Variants in UNC45B observed in about 807,000 individuals in gnomAD.
UNC45B encodes protein unc-45 homolog B.
Under a neutral mutation model 98.7 loss-of-function variants are expected in UNC45B, and 78 were observed. The observed-to-expected ratio is 0.79, with a 90% CI of 0.66 to 0.95. The LOEUF (loss-of-function observed/expected upper bound fraction) is 0.95, where lower values mean the gene tolerates loss of function less well. Ranked by LOEUF, UNC45B falls within the 40% of genes least tolerant of loss-of-function variation. The pLI is 0.00. For synonymous variants in UNC45B, 462 were observed against 480.4 expected (o/e 0.96, Z 0.50); for missense variants, 1,225 against 1,184.9 (o/e 1.03, Z -0.50).
chr17:35,176,152 G>A (rs535561774), intron 15 of UNC45B, 118 bp downstream of exon 15: 14 of 973,486 alleles, frequency 1.4e-5, no homozygotes, highest in Admixed American at 7.7e-5. Context: ...AGTTATCTGC[G>A]CTGTCTGTGC....
chr17:35,153,233 T>C (rs1467867494), intron 5 of UNC45B, among the ~76,000 whole-genome samples: 1 of 152,206 alleles, frequency 6.6e-6, no homozygotes, highest in African/African-American at 2.4e-5. Context: ...TTGTTCATCA[T>C]GGATTTTTCT....
rs758031609 is a variant in UNC45B, at chr17:35,168,259, G to A, written c.1350G>A (p.Thr450=). 3.2e-5 allele frequency: 50 copies of A among 1,566,730 alleles called. 1 individual carries two copies. The highest frequency in any genetic ancestry group is 2.1e-4 in the East Asian group (9 of 42,174). The change falls in exon 10 of 20, where the codon ACG becomes ACA. Residue 450 remains threonine, a synonymous_variant. Transcript: ENST00000394570. ...TGGAGGCCCTCATCCATGCCTCCAC[G>A]AAGCTCAGCCGCGCCACCTTCATCA... ...VAVEALIHAS[T]KLSRATFIIT...
chr17:35,170,231 G>A lies in UNC45B; in HGVS notation c.1665G>A (p.Leu555=). The change falls in exon 12 of 20, where the codon CTG becomes CTA. Residue 555 remains leucine, a synonymous_variant. Transcript: ENST00000394570. ...ACTTTGTCCAGGACGTCCCTGCCCT[G>A]CAGGCCATGTTTGAGCTGGCCAAGG... is the stretch of plus-strand genomic sequence containing the variant. ...KDDFVQDVPA[L]QAMFELAKTS... is the part of the protein sequence containing the mutation. 2 of 1,611,902 alleles carry A rather than the reference G, an allele frequency of 1.2e-6. No individual in the cohort carries two copies. The highest frequency in any genetic ancestry group is 2.2e-5 in the East Asian group (1 of 44,830).
At position 35,160,503 on chromosome 17, in the gene UNC45B, A is replaced by G. The variant is rs141859852; in HGVS notation, c.979+958A>G. Among the ~76,000 whole-genome samples, 414 of 152,196 alleles carry G rather than the reference A, an allele frequency of 2.7e-3. 4 individuals carry two copies. Among genetic ancestry groups the G allele is most frequent in the African/African-American group, 9.3e-3 (385 of 41,524 alleles). On this transcript the variant is annotated intron_variant, in intron 8 of 19. Coordinates refer to ENST00000394570, the MANE Select transcript of UNC45B (RefSeq NM_001267052.2). Reference sequence around the variant, plus strand: ...GCTCATGCCAGAGTGCAGTGGCGTGATCATAGTCACTGCAACCTCAAACTC... The same window carrying G: ...GCTCATGCCAGAGTGCAGTGGCGTGGTCATAGTCACTGCAACCTCAAACTC...
chr17:35,175,087 G>GAAAGAAAGAAAGAA (rs746415209), intron 14 of UNC45B, among the ~76,000 whole-genome samples: 11 of 93,822 alleles, frequency 1.2e-4, no homozygotes, highest in African/African-American at 5.9e-4. Context: ...AAGAAAGAAA[G>GAAAGAAAGAAAGAA]AGAAAGAAAG....
intron 4 of UNC45B, among the ~76,000 whole-genome samples, chr17:35,151,556 C>T (rs1218785375): frequency 6.6e-6 from 1 of 152,106 alleles, no homozygotes; most frequent in African/African-American, 2.4e-5. Flanking sequence ...GAACCCTAGT[C>T]CTGGCTCAGC....
At chr17:35,175,637 A>G (rs1271366372) in intron 14 of UNC45B, among the ~76,000 whole-genome samples, 1 of 152,144 alleles carries the variant, frequency 6.6e-6, no homozygotes, top group African/African-American at 2.4e-5. Flanking sequence ...GGATGAGACA[A>G]AAGAGGAAGC....
At chr17:35,157,706 T>C (rs868035035) in intron 7 of UNC45B, among the ~76,000 whole-genome samples, 1 of 152,222 alleles carries the variant, frequency 6.6e-6, no homozygotes, top group Non-Finnish European at 1.5e-5. Flanking sequence ...CTTAAAGATA[T>C]TTGCCTATCC....
rs939200124 is a variant in UNC45B, at chr17:35,187,395, C to T, written c.*836C>T. 1.6e-4 allele frequency: 25 copies of T among 152,048 alleles called. No homozygotes were observed. Among genetic ancestry groups the T allele is most frequent in the African/African-American group, 5.8e-4 (24 of 41,392 alleles). The allele number at this position is 152,048 out of a possible 1,614,324, so 9.4% of individuals were successfully genotyped here. ...GTCTCATTCCCTGGCAGGCTCTCTC[C>T]CTGTGATAGGAAAGAGAGTCCCCAG... On this transcript the variant is annotated 3_prime_UTR_variant, in exon 20 of 20. Coordinates refer to ENST00000394570, the MANE Select transcript of UNC45B (RefSeq NM_001267052.2).
In UNC45B at chr17:35,154,718, A is replaced by C; in HGVS notation, c.616A>C (p.Met206Leu). 1 of 1,599,186 alleles carries C rather than the reference A, an allele frequency of 6.3e-7. No homozygotes were observed. Among genetic ancestry groups the C allele is most frequent in the Non-Finnish European group, 8.5e-7 (1 of 1,175,296 alleles). Residue 206 changes from methionine to leucine, a missense_variant, in exon 6 of 20, where the codon ATG (methionine) becomes CTG (leucine). By Grantham distance (15) the Met-to-Leu change is conservative. Transcript: ENST00000394570. ...GGCTGCAGTGCGGACCCTGTCGGGC[A>C]TGTGCAGCGGCCACCAAGCCAGAGT... ...VLAAVRTLSG[M>L]CSGHQARATV...
chr17:35,148,028 G>A (rs2091986147), intron 1 of UNC45B, 118 bp downstream of exon 1: 6 of 539,252 alleles, frequency 1.1e-5, no homozygotes, highest in Non-Finnish European at 2.0e-5. Context: ...CTCAGGCTGG[G>A]AGGGACAGAG....
intron 7 of UNC45B, among the ~76,000 whole-genome samples, chr17:35,157,821 T>C (rs1208207408): frequency 6.6e-6 from 1 of 152,220 alleles, no homozygotes; most frequent in Non-Finnish European, 1.5e-5. Flanking sequence ...CTTTGGATGG[T>C]TTGTTCATGT....
In UNC45B at chr17:35,175,985, G is replaced by T. The variant is rs766947418; in HGVS notation, c.1976G>T (p.Cys659Phe). 8 of 1,614,126 alleles carry T rather than the reference G, an allele frequency of 5.0e-6. No individual in the cohort carries two copies. The highest frequency in any genetic ancestry group is 3.3e-5 in the Admixed American group (2 of 60,022). Residue 659 changes from cysteine to phenylalanine, a missense_variant, in exon 15 of 20, where the codon TGT becomes TTT. Physicochemically the swap from Cys to Phe is radical, Grantham distance 205 (BLOSUM62 -2). Coordinates refer to ENST00000394570, the MANE Select transcript of UNC45B (RefSeq NM_001267052.2). ...ELLARVFLAL[C>F]DNPKDRGTIV... ...TCCCACAGGGTATTCCTGGCACTGTGTGACAACCCAAAGGACCGAGGCACC... is the reference window on the plus strand; with the variant it reads ...TCCCACAGGGTATTCCTGGCACTGTTTGACAACCCAAAGGACCGAGGCACC...
chr17:35,173,183 T>G (rs931504012), intron 13 of UNC45B, among the ~76,000 whole-genome samples: 2 of 147,806 alleles, frequency 1.4e-5, no homozygotes, highest in Non-Finnish European at 3.0e-5. Flanking sequence ...CGGAGTGCAG[T>G]GGTGCAATCT....
chr17:35,180,277 A>AGAGAGAGAGAAT (rs2092264501), intron 17 of UNC45B, among the ~76,000 whole-genome samples: 2 of 151,930 alleles, frequency 1.3e-5, no homozygotes, highest in South Asian at 4.2e-4. Context: ...AGAGAGAGAG[A>AGAGAGAGAGAAT]GAGAGAGAGA....
intron 3 of UNC45B, among the ~76,000 whole-genome samples, chr17:35,149,307 A>G (rs893248273): frequency 6.6e-6 from 1 of 152,180 alleles, no homozygotes; most frequent in Non-Finnish European, 1.5e-5. Flanking sequence ...GGGCTGGGCA[A>G]TGTTACAGGG....
At chr17:35,150,761 GC>G (rs1449966513) in intron 4 of UNC45B, among the ~76,000 whole-genome samples, 17 of 83,624 alleles carry the variant, frequency 2.0e-4, no homozygotes, top group South Asian at 9.2e-4. Flanking sequence ...TCCCACCCCC[GC>G]CCCCCCCAAA....
At chr17:35,165,488 G>C (rs2092132382) in intron 9 of UNC45B, among the ~76,000 whole-genome samples, 1 of 152,188 alleles carries the variant, frequency 6.6e-6, no homozygotes, top group Admixed American at 6.5e-5. Context: ...CACTCCAGGT[G>C]AGTCTTAGGT....
chr17:35,156,361 C>T (rs2092061364), intron 7 of UNC45B, among the ~76,000 whole-genome samples: 1 of 152,214 alleles, frequency 6.6e-6, no homozygotes, highest in East Asian at 1.9e-4. Flanking sequence ...GGTGCAGCGA[C>T]TCACTCCTGT....
Sources: allele counts gnomAD v4.1 joint callset (sites outside exome capture counted in the v4.1 genomes callset), GRCh38; gene constraint gnomAD v4.1.1; transcripts MANE v1.5; gene names NCBI Gene and HGNC (gene_info 2026-07-23, HGNC 2026-07-21).